METTL15: variants seen among roughly 807,000 people sequenced by gnomAD.
METTL15 encodes 12S rRNA N(4)-cytidine methyltransferase METTL15.
In METTL15, 34 loss-of-function variants were observed where a neutral mutation model predicts 38.3. The ratio of observed to expected loss-of-function variants is 0.89; its 90% confidence interval spans 0.68 to 1.18. The LOEUF (loss-of-function observed/expected upper bound fraction) is 1.18. Ranked by LOEUF, METTL15 falls within the 50% of genes most tolerant of loss-of-function variation. The pLI, the probability that METTL15 is intolerant of heterozygous loss-of-function variation, is 0.00. For synonymous variants in METTL15, 162 were observed against 170.9 expected (o/e 0.95, Z 0.41); for missense variants, 438 against 498.4 (o/e 0.88, Z 1.15).
chr11:28,394,499 TA>T (rs1182762843), intron 5 of METTL15, among the ~76,000 whole-genome samples: 1 of 152,052 alleles, frequency 6.6e-6, no homozygotes, highest in African/African-American at 2.4e-5. Flanking sequence ...GTGGAAGTTA[TA>T]AAAAGGAGTG....
chr11:28,337,619 T>G (rs1220501605), downstream of METTL15, among the ~76,000 whole-genome samples: 1 of 152,172 alleles, frequency 6.6e-6, no homozygotes, highest in African/African-American at 2.4e-5. Flanking sequence ...CACAACTCAC[T>G]GACTCAAAGC....
chr11:28,194,877 AGT>A (rs1851853416), intron 3 of METTL15, among the ~76,000 whole-genome samples: 1 of 150,980 alleles, frequency 6.6e-6, no homozygotes, highest in East Asian at 2.0e-4. Flanking sequence ...CTGAGTTTCC[AGT>A]GTTCGTTATA....
chr11:28,359,411 C>T (rs993831845), intron 4 of METTL15, among the ~76,000 whole-genome samples: 2 of 152,040 alleles, frequency 1.3e-5, no homozygotes, highest in African/African-American at 2.4e-5. Flanking sequence ...TTTGGTAGAA[C>T]ATTTTATTTT....
intron 6 of METTL15, among the ~76,000 whole-genome samples, chr11:28,303,429 C>A (rs1856977683): frequency 6.6e-6 from 1 of 152,036 alleles, no homozygotes; most frequent in African/African-American, 2.4e-5. Flanking sequence ...ATACCAGTCA[C>A]TTTTCAGATC....
intron 6 of METTL15, among the ~76,000 whole-genome samples, chr11:28,454,136 T>A (rs544479653): frequency 2.6e-5 from 4 of 152,354 alleles, no homozygotes; most frequent in Non-Finnish European, 4.4e-5. Context: ...TTTAGTTCTA[T>A]TTCAGAGCCA....
chr11:28,512,689 G>A (rs1851685961), intron 6 of METTL15, among the ~76,000 whole-genome samples: 1 of 152,122 alleles, frequency 6.6e-6, no homozygotes, highest in Non-Finnish European at 1.5e-5. Flanking sequence ...GCCACGCACA[G>A]CCCCGGTTCC....
intron 6 of METTL15, among the ~76,000 whole-genome samples, chr11:28,456,669 T>A (rs527494748): frequency 1.3e-5 from 2 of 152,200 alleles, no homozygotes; most frequent in South Asian, 4.1e-4. Flanking sequence ...CCCGAACTCC[T>A]GACCTCATGA....
chr11:28,430,840 C>T lies in METTL15; in HGVS notation c.*424+6476C>T, dbSNP rs1444443246. ...CCTCTGCCCGGCCAGCCGCCTGGTC[C>T]GGGAGGGAGGTGGGGGGGGTCAGCC... On this transcript the variant is annotated intron_variant and NMD_transcript_variant, in intron 6 of 7. Transcript: ENST00000532947. Among the ~76,000 whole-genome samples, 14 of 102,780 alleles carry T rather than the reference C, an allele frequency of 1.4e-4. No homozygotes were observed. The East Asian group carries it at 1.5e-3, about 11-fold the overall frequency. 67.4% of individuals were successfully genotyped at this position (102,780 alleles called of 152,430 possible).
At chr11:28,177,141 A>C (rs191173720) in intron 3 of METTL15, among the ~76,000 whole-genome samples, 1 of 152,156 alleles carries the variant, frequency 6.6e-6, no homozygotes, top group East Asian at 1.9e-4. Flanking sequence ...TTTATAAATA[A>C]ACACTGACAG....
chr11:28,374,239 T>G (rs1373121138), intron 5 of METTL15, among the ~76,000 whole-genome samples: 1 of 152,122 alleles, frequency 6.6e-6, no homozygotes, highest in Admixed American at 6.6e-5. Flanking sequence ...GCATTGAATC[T>G]GTAAATTACC....
intron 6 of METTL15, among the ~76,000 whole-genome samples, chr11:28,440,982 T>C (rs1851029627): frequency 6.6e-6 from 1 of 152,114 alleles, no homozygotes; most frequent in Admixed American, 6.6e-5. Flanking sequence ...ACATTGGATT[T>C]TGAAGACTGT....
At chr11:28,148,602 T>C (rs1228520594) in intron 3 of METTL15, among the ~76,000 whole-genome samples, 1 of 152,018 alleles carries the variant, frequency 6.6e-6, no homozygotes, top group African/African-American at 2.4e-5. Context: ...GTCCTACTTT[T>C]AGCACTTTAC....
chr11:28,423,010 AC>A (rs1362562141), intron 5 of METTL15, among the ~76,000 whole-genome samples: 1 of 152,002 alleles, frequency 6.6e-6, no homozygotes, highest in African/African-American at 2.4e-5. Context: ...GGGAAAAAAA[AC>A]AATAATCCAA....
At chr11:28,293,156 C>T (rs974059655) in intron 5 of METTL15, among the ~76,000 whole-genome samples, 9 of 152,150 alleles carry the variant, frequency 5.9e-5, no homozygotes, top group Admixed American at 2.0e-4. Flanking sequence ...ATGGTATTGC[C>T]TAGGTTTTCT....
chr11:28,240,845 A>G (rs1017607527), intron 4 of METTL15, among the ~76,000 whole-genome samples: 3 of 152,222 alleles, frequency 2.0e-5, no homozygotes, highest in Non-Finnish European at 2.9e-5. Flanking sequence ...AAAGATTAAA[A>G]AATTGAATAA....
downstream of METTL15, among the ~76,000 whole-genome samples, chr11:28,530,483 T>C (rs1055189889): frequency 6.6e-6 from 1 of 152,116 alleles, no homozygotes; most frequent in Non-Finnish European, 1.5e-5. Flanking sequence ...TCTAGAATTA[T>C]GGGCAGCGGT....
intron 3 of METTL15, among the ~76,000 whole-genome samples, chr11:28,137,953 C>A (rs976718946): frequency 1.3e-5 from 2 of 152,068 alleles, no homozygotes; most frequent in Non-Finnish European, 2.9e-5. Context: ...TTTCTAATCT[C>A]CTAGTCAGAT....
intron 6 of METTL15, among the ~76,000 whole-genome samples, chr11:28,308,975 C>G (rs1170576615): frequency 6.6e-6 from 1 of 152,032 alleles, no homozygotes; most frequent in Non-Finnish European, 1.5e-5. Context: ...GCCATTCTAT[C>G]AATCAACCAA....
chr11:28,190,956 A>G (rs542333718), intron 3 of METTL15, among the ~76,000 whole-genome samples: 2 of 151,524 alleles, frequency 1.3e-5, no homozygotes, highest in East Asian at 3.9e-4. Flanking sequence ...TTTCACTTAC[A>G]TTATACTGTA....
Sources: allele counts gnomAD v4.1 joint callset (sites outside exome capture counted in the v4.1 genomes callset), GRCh38; gene constraint gnomAD v4.1.1; transcripts MANE v1.5; gene names NCBI Gene and HGNC (gene_info 2026-07-23, HGNC 2026-07-21).